Variants in RASGRF2 observed in about 807,000 individuals in gnomAD.
RASGRF2 encodes ras-specific guanine nucleotide-releasing factor 2.
A neutral mutation model predicts 151.0 loss-of-function variants in RASGRF2; 76 were observed. The ratio of observed to expected loss-of-function variants is 0.50; its 90% CI spans 0.42 to 0.61. RASGRF2 has a LOEUF of 0.61. Among genes scored for constraint, RASGRF2 ranks in the 20% least tolerant of loss-of-function variants. RASGRF2 has a pLI of 0.00. For missense variants in RASGRF2, 1,148 were observed against 1,564.6 expected (o/e 0.73, Z 4.49); for synonymous variants, 504 against 566.5 (o/e 0.89, Z 1.57).
chr5:81,217,383 T>C lies in RASGRF2; in HGVS notation c.3462T>C (p.Leu1154=). Residue 1154 remains leucine, a synonymous_variant, in exon 25 of 27, where the codon CTT becomes CTC. Coordinates refer to ENST00000265080, the MANE Select transcript of RASGRF2 (RefSeq NM_006909.3). ...GTAACCCTCCTGCAGTTCCTTATCT[T>C]GGGATGTACTTGACAGACCTGGCAT... ...KNCNPPAVPY[L]GMYLTDLAFI... 6.2e-7 allele frequency: 1 copy of C among 1,612,970 alleles called. No individual in the cohort carries two copies. The highest frequency in any genetic ancestry group is 8.5e-7 in the Non-Finnish European group (1 of 1,179,718).
chr5:81,097,815 A>G (rs991723411), intron 12 of RASGRF2, among the ~76,000 whole-genome samples: 1 of 152,338 alleles, frequency 6.6e-6, no homozygotes, highest in Admixed American at 6.5e-5. Context: ...ATGAGGTAAC[A>G]GGGGCCAGAT....
chr5:81,153,176 T>C (rs1292708298), intron 17 of RASGRF2, among the ~76,000 whole-genome samples: 1 of 152,218 alleles, frequency 6.6e-6, no homozygotes, highest in Non-Finnish European at 1.5e-5. Context: ...ACCAGCATTG[T>C]AATGCACCCC....
Position 81,112,877 on chromosome 5 carries a change from G to GT in RASGRF2, c.2087+21dup, listed in dbSNP as rs759416932. ...CTGTCAGGTACACCTATTGCTAGAGGTTAGCCTGTCATTCGCATATGGCCC... is the reference window on the plus strand; with the variant it reads ...CTGTCAGGTACACCTATTGCTAGAGGTTTAGCCTGTCATTCGCATATGGCCC... On this transcript the variant is annotated intron_variant, in intron 14 of 26. Transcript: ENST00000265080. 22 of 1,613,756 alleles carry GT rather than the reference G, an allele frequency of 1.4e-5. No individual in the cohort carries two copies. In the Middle Eastern group the frequency reaches 2.2e-3, roughly 159 times the overall value.
chr5:80,977,078 A>C (rs1351880111), intron 1 of RASGRF2, among the ~76,000 whole-genome samples: 1 of 152,232 alleles, frequency 6.6e-6, no homozygotes, highest in African/African-American at 2.4e-5. Context: ...GAATAGTAGC[A>C]TCCTGTGATT....
At chr5:81,161,359 T>C (rs998212027) in intron 17 of RASGRF2, among the ~76,000 whole-genome samples, 1 of 152,218 alleles carries the variant, frequency 6.6e-6, no homozygotes, top group Non-Finnish European at 1.5e-5. Flanking sequence ...GAGTTGGTCA[T>C]ACTGAGAGAG....
chr5:80,965,055 G>A (rs1747681154), intron 1 of RASGRF2, among the ~76,000 whole-genome samples: 1 of 152,192 alleles, frequency 6.6e-6, no homozygotes, highest in East Asian at 1.9e-4. Context: ...GTTTAAAGAA[G>A]TAGACATTTG....
At chr5:81,206,536 G>T (rs1755511450) in intron 19 of RASGRF2, among the ~76,000 whole-genome samples, 1 of 152,174 alleles carries the variant, frequency 6.6e-6, no homozygotes, top group Non-Finnish European at 1.5e-5. Context: ...TTACATTATG[G>T]ATGGTAACTC....
intron 1 of RASGRF2, among the ~76,000 whole-genome samples, chr5:81,017,380 G>A (rs1434795904): frequency 2.0e-5 from 3 of 152,356 alleles, no homozygotes; most frequent in Admixed American, 6.5e-5. Flanking sequence ...CCTGATGTCT[G>A]CTTTCTAGCC....
intron 2 of RASGRF2, among the ~76,000 whole-genome samples, chr5:81,051,334 T>G (rs1163625782): frequency 1.3e-5 from 2 of 152,238 alleles, no homozygotes; most frequent in African/African-American, 4.8e-5. Context: ...AAAATCAAGA[T>G]ATACTTCATA....
chr5:81,161,908 C>CAT (rs1754393639), intron 17 of RASGRF2, among the ~76,000 whole-genome samples: 3 of 146,938 alleles, frequency 2.0e-5, no homozygotes, highest in African/African-American at 7.9e-5. Context: ...CCAGTCAGAC[C>CAT]GTTTTTTTTT....
chr5:81,079,954 TA>T (rs1193438633), intron 5 of RASGRF2, among the ~76,000 whole-genome samples, 166 bp from the exon 6 acceptor site: 1 of 152,194 alleles, frequency 6.6e-6, no homozygotes, highest in Non-Finnish European at 1.5e-5. Context: ...GAGGCTGTCA[TA>T]ATTGCTTGAT....
chr5:80,970,403 G>A (rs944310333), intron 1 of RASGRF2, among the ~76,000 whole-genome samples: 1 of 152,168 alleles, frequency 6.6e-6, no homozygotes, highest in Non-Finnish European at 1.5e-5. Context: ...GTGTTGAGGG[G>A]AACAGTGGGA....
rs397884951 is a variant in RASGRF2, at chr5:81,024,249, A to ATTTTTT, written c.289-18606_289-18601dup. ...CTCCAGGACTAGAGGTATTCATATA[A>ATTTTTT]TTTTTTTTTTTTTTTTTTTTTTTTT... On this transcript the variant is annotated intron_variant, in intron 1 of 26. Coordinates refer to ENST00000265080, the MANE Select transcript of RASGRF2 (RefSeq NM_006909.3). Among the ~76,000 whole-genome samples the ATTTTTT allele has an allele frequency of 1.4e-3, 100 of 71,682 alleles. 6 individuals are homozygous for ATTTTTT. Among genetic ancestry groups the ATTTTTT allele is most frequent in the African/African-American group, 3.1e-3 (49 of 15,734 alleles). The allele number at this position is 71,682 out of a possible 152,430, so 47.0% of individuals were successfully genotyped here. A position where few individuals can be genotyped will look rare whatever the true frequency, so the allele number is the denominator to read the frequency against.
chr5:80,994,334 C>G lies in RASGRF2; in HGVS notation c.288+33308C>G, dbSNP rs566055002. The stretch of plus-strand genomic sequence containing the variant: ...TGAGCCGAGATTGCACCACTGCACT[C>G]CAGCCTGGGCGACAGAGCGACACTC... On this transcript the variant is annotated intron_variant, in intron 1 of 26. Coordinates refer to ENST00000265080, the MANE Select transcript of RASGRF2 (RefSeq NM_006909.3). Among the ~76,000 whole-genome samples the G allele has an allele frequency of 5.5e-4, 82 of 147,948 alleles. 1 individual carries two copies. In the South Asian group the frequency reaches 0.015, roughly 26 times the overall value.
Position 81,109,059 on chromosome 5 carries a change from A to T in RASGRF2, c.1819A>T (p.Thr607Ser). The change falls in exon 13 of 27, where the codon ACT becomes TCT. Residue 607 changes from threonine to serine, a missense_variant. Physicochemically the swap from Thr to Ser is moderately conservative, Grantham distance 58 (BLOSUM62 1). Transcript: ENST00000265080. ...TIVFEENSKV[T>S]VPHMIKSDAR... ...AGTGTTTGAAGAGAATTCCAAAGTC[A>T]CTGTGCCACATATGATTAAGTAAGT... 1 of 1,611,022 alleles carries T rather than the reference A, an allele frequency of 6.2e-7. No homozygotes were observed. The highest frequency in any genetic ancestry group is 1.3e-5 in the African/African-American group (1 of 75,028).
intron 1 of RASGRF2, among the ~76,000 whole-genome samples, chr5:81,010,250 TCCTCTCTAATTTTG>T (rs1749413943): frequency 6.6e-6 from 1 of 152,326 alleles, no homozygotes; most frequent in Non-Finnish European, 1.5e-5. Flanking sequence ...GAATGAATTT[TCCTCTCTAATTTTG>T]CCTCTCTGTA....
rs1177570067 is a variant in RASGRF2 at position 81,218,946 on chromosome 5, G to A, written c.3553-764G>A. 3.9e-5 allele frequency among the ~76,000 whole-genome samples: 6 copies of A among 152,150 alleles called. No homozygotes were observed. The East Asian group carries it at 1.2e-3, about 29-fold the overall frequency. ...ATTCCTTGGTTAGGTATATTCCTAA[G>A]TATTGATTGAGGAGATTTTTGGCAA... is the stretch of plus-strand genomic sequence containing the variant. On this transcript the variant is annotated intron_variant, in intron 25 of 26. Coordinates refer to ENST00000265080, the MANE Select transcript of RASGRF2 (RefSeq NM_006909.3).
chr5:81,028,563 G>A (rs1405105177), intron 1 of RASGRF2, among the ~76,000 whole-genome samples: 2 of 152,030 alleles, frequency 1.3e-5, no homozygotes, highest in Non-Finnish European at 2.9e-5. Flanking sequence ...CCATGAAAAG[G>A]ACAAGAAATT....
intron 17 of RASGRF2, among the ~76,000 whole-genome samples, chr5:81,142,027 G>A (rs931772948): frequency 6.6e-6 from 1 of 152,188 alleles, no homozygotes; most frequent in Non-Finnish European, 1.5e-5. Flanking sequence ...TAGCTTAACA[G>A]CATGCATAAA....
Sources: allele counts gnomAD v4.1 joint callset (sites outside exome capture counted in the v4.1 genomes callset), GRCh38; gene constraint gnomAD v4.1.1; transcripts MANE v1.5; gene names NCBI Gene and HGNC (gene_info 2026-07-23, HGNC 2026-07-21).